EML4: variants seen among roughly 807,000 people sequenced by gnomAD.
EML4 encodes echinoderm microtubule-associated protein-like 4.
In EML4, 72 loss-of-function variants were observed where a neutral mutation model predicts 129.0. The observed-to-expected ratio is 0.56, with a 90% CI of 0.46 to 0.68. The LOEUF (loss-of-function observed/expected upper bound fraction) is 0.68, where lower values mean the gene tolerates loss of function less well. Ranked by LOEUF, EML4 falls within the 30% of genes least tolerant of loss-of-function variation. The pLI, the probability that EML4 is intolerant of heterozygous loss-of-function variation, is 0.00. For synonymous variants in EML4, 532 were observed against 405.0 expected, an observed-to-expected ratio of 1.31 and a Z score of -3.77; for missense variants, 1,363 against 1,190.6, an observed-to-expected ratio of 1.14 and a Z score of -2.13.
At chr2:42,242,788 A>C (rs1334820621) in intron 1 of EML4, among the ~76,000 whole-genome samples, 1 of 143,268 alleles carries the variant, frequency 7.0e-6, no homozygotes, top group African/African-American at 2.6e-5. Context: ...TCTTTCTGAT[A>C]GGGTCTTCCT....
At position 42,261,160 on chromosome 2, in the gene EML4, A is replaced by G; in HGVS notation, c.378A>G (p.Arg126=). The G allele has an allele frequency of 3.7e-6, 6 of 1,613,590 alleles. No individual in the cohort carries two copies. The highest frequency in any genetic ancestry group is 4.2e-6 in the Non-Finnish European group (5 of 1,179,730). ...EKKKEKPQGQ[R]EKKEESHSND... is the part of the protein sequence containing the mutation. ...AGAAAGAAAAACCACAAGGACAGAG[A>G]GAAAAAAAAGAGGAATCTCATTCTA... Residue 126 remains arginine (R), a synonymous_variant, in exon 4 of 23, where the codon AGA becomes AGG. Transcript: ENST00000318522.
intron 2 of EML4, among the ~76,000 whole-genome samples, chr2:42,246,791 A>G (rs1037293352): frequency 2.0e-5 from 3 of 152,210 alleles, no homozygotes; most frequent in African/African-American, 4.8e-5. Context: ...CATAGCACAA[A>G]AAGTGATGCA....
At chr2:42,212,576 C>G (rs1056825763) in intron 1 of EML4, among the ~76,000 whole-genome samples, 1 of 152,116 alleles carries the variant, frequency 6.6e-6, no homozygotes, top group Non-Finnish European at 1.5e-5. Flanking sequence ...CTAGTCCCTG[C>G]TAAAATTCTT....
intron 6 of EML4, among the ~76,000 whole-genome samples, chr2:42,279,913 A>C (rs1666912472): frequency 6.6e-6 from 1 of 151,970 alleles, no homozygotes; most frequent in Non-Finnish European, 1.5e-5. Context: ...GGCCATTTTT[A>C]TGTCTTTGGA....
At chr2:42,263,398 C>CTTTTTTTTTTTTTTT in intron 5 of EML4, 92 bp downstream of exon 5, 1 of 202,600 alleles carries the variant, frequency 4.9e-6, no homozygotes, top group Non-Finnish European at 8.2e-6. Flanking sequence ...TGGTTTGAAT[C>CTTTTTTTTTTTTTTT]TTTTTTTTTT....
intron 1 of EML4, among the ~76,000 whole-genome samples, chr2:42,199,755 T>C (rs1672108816): frequency 6.6e-6 from 1 of 152,082 alleles, no homozygotes; most frequent in African/African-American, 2.4e-5. Context: ...GGTAACCTTT[T>C]GGGAGAGTGA....
At chr2:42,184,809 C>T (rs150047470) in intron 1 of EML4, among the ~76,000 whole-genome samples, 5 of 152,172 alleles carry the variant, frequency 3.3e-5, no homozygotes, top group African/African-American at 1.2e-4. Context: ...TCATATATAG[C>T]CCTTTAAGTA....
intron 19 of EML4, 89 bp from the exon 20 acceptor site, chr2:42,325,378 T>G (rs1669730888): frequency 1.6e-6 from 1 of 640,592 alleles, no homozygotes; most frequent in Non-Finnish European, 2.9e-6. Context: ...CCAACAAATG[T>G]GTATTCAGAA....
intron 1 of EML4, among the ~76,000 whole-genome samples, chr2:42,231,540 G>A (rs1209843794): frequency 6.6e-6 from 1 of 151,968 alleles, no homozygotes; most frequent in Non-Finnish European, 1.5e-5. Flanking sequence ...GCATGTTATT[G>A]AACCATTTAT....
At chr2:42,178,766 G>A (rs1670764402) in intron 1 of EML4, among the ~76,000 whole-genome samples, 1 of 152,172 alleles carries the variant, frequency 6.6e-6, no homozygotes, top group South Asian at 2.1e-4. Context: ...CCAGGAAGCT[G>A]TCCCTGATTG....
At position 42,264,109 on chromosome 2, in the gene EML4, T is replaced by G. The variant is rs1028232564; in HGVS notation, c.642-597T>G. Among the ~76,000 whole-genome samples the G allele has an allele frequency of 6.5e-3, 914 of 139,868 alleles. 11 individuals carry two copies. The highest frequency in any genetic ancestry group is 0.022 in the African/African-American group (830 of 38,138). The allele number at this position is 139,868 out of a possible 152,430, so 91.8% of individuals were successfully genotyped here. A position where few individuals can be genotyped will look rare whatever the true frequency, so the allele number is the denominator to read the frequency against. ...CCCAACTCAAACAATACGTGTTTTT[T>G]TTTTTTTTTTTTTTTTTTTTGAGAC... On this transcript the variant is annotated intron_variant, in intron 5 of 22. Coordinates refer to ENST00000318522, the MANE Select transcript of EML4 (RefSeq NM_019063.5).
chr2:42,205,979 C>G (rs2103991384), intron 1 of EML4, among the ~76,000 whole-genome samples: 1 of 152,170 alleles, frequency 6.6e-6, no homozygotes, highest in Middle Eastern at 3.4e-3. Context: ...TCCCTAGGAC[C>G]ACTCTTGCTA....
intron 19 of EML4, among the ~76,000 whole-genome samples, chr2:42,320,364 GA>G (rs1404215400): frequency 6.6e-6 from 1 of 150,956 alleles, no homozygotes; most frequent in Non-Finnish European, 1.5e-5. Flanking sequence ...ATTTGCTCCA[GA>G]GTCATCTGAC....
chr2:42,280,201 T>C (rs761546118), intron 6 of EML4, among the ~76,000 whole-genome samples: 7 of 152,234 alleles, frequency 4.6e-5, no homozygotes, highest in African/African-American at 7.2e-5. Flanking sequence ...AAAACTGCTG[T>C]CACAAAATTT....
At chr2:42,199,805 C>G (rs750787588) in intron 1 of EML4, among the ~76,000 whole-genome samples, 1 of 152,080 alleles carries the variant, frequency 6.6e-6, no homozygotes, top group Non-Finnish European at 1.5e-5. Flanking sequence ...TCACAGAAAT[C>G]CGAGGCCATA....
At position 42,315,287 on chromosome 2, in the gene EML4, C is replaced by T. The variant is rs72972054; in HGVS notation, c.1968-675C>T. Among the ~76,000 whole-genome samples the T allele has an allele frequency of 3.3e-5, 5 of 152,310 alleles. No homozygotes were observed. The East Asian group carries it at 9.6e-4, about 29-fold the overall frequency. On this transcript the variant is annotated intron_variant, in intron 17 of 22. Coordinates refer to ENST00000318522, the MANE Select transcript of EML4 (RefSeq NM_019063.5). ...CCTCTGTTATATTGCGTCACCATCA[C>T]TGAGGTTGGCATTTCTTCATTCTTT...
rs1350502948 is a variant in EML4 at position 42,223,642 on chromosome 2, G to T, written c.26-21863G>T. Among the ~76,000 whole-genome samples the T allele has an allele frequency of 4.6e-5, 7 of 152,026 alleles. 1 individual carries two copies. Among genetic ancestry groups the T allele is most frequent in the Non-Finnish European group, 1.0e-4 (7 of 67,978 alleles). ...ACAAGAGTACAATGTGAGAAAGTTT[G>T]CTCTGCTTAGCCCAGATCTCTAATG... is the stretch of plus-strand genomic sequence containing the variant. On this transcript the variant is annotated intron_variant, in intron 1 of 22. Coordinates refer to ENST00000318522, the MANE Select transcript of EML4 (RefSeq NM_019063.5).
At chr2:42,263,804 A>T (rs1040335809) in intron 5 of EML4, among the ~76,000 whole-genome samples, 18 of 151,334 alleles carry the variant, frequency 1.2e-4, no homozygotes, top group African/African-American at 4.4e-4. Context: ...ATCTTGGCTC[A>T]CTGCAACCTC....
At chr2:42,319,655 T>C (rs1408603801) in intron 19 of EML4, 1 of 152,254 alleles carries the variant, frequency 6.6e-6, no homozygotes, top group East Asian at 1.9e-4. Context: ...TGCTGCTTAC[T>C]AGTTTGTGAC....
Sources: allele counts gnomAD v4.1 joint callset (sites outside exome capture counted in the v4.1 genomes callset), GRCh38; gene constraint gnomAD v4.1.1; transcripts MANE v1.5; gene names NCBI Gene and HGNC (gene_info 2026-07-23, HGNC 2026-07-21).